MTF2: variants seen among roughly 807,000 people sequenced by gnomAD.
The protein encoded by MTF2 is metal response element binding transcription factor 2.
Under a neutral mutation model 79.5 loss-of-function variants are expected in MTF2, and 11 were observed. The observed-to-expected ratio is 0.14, with a 90% CI of 0.09 to 0.23. The LOEUF is 0.23. Among genes scored for constraint, MTF2 ranks in the 10% least tolerant of loss-of-function variants. The pLI is 1.00. For missense variants in MTF2, 486 were observed against 711.2 expected (o/e 0.68, Z 3.60); for synonymous variants, 208 against 232.8 (o/e 0.89, Z 0.97).
intron 8 of MTF2, chr1:93,120,324 AGT>A (rs1656425363): frequency 3.8e-6 from 1 of 263,750 alleles, no homozygotes. Context: ...AAAAAAAAGA[AGT>A]AATTCATATA....
intron 1 of MTF2, among the ~76,000 whole-genome samples, chr1:93,092,019 TC>T (rs1655093447): frequency 6.6e-6 from 1 of 152,208 alleles, no homozygotes; most frequent in Non-Finnish European, 1.5e-5. Flanking sequence ...GGTAATTTTT[TC>T]CCCACCTTTT....
At chr1:93,126,342 G>GT in intron 9 of MTF2, among the ~76,000 whole-genome samples, 1 of 152,146 alleles carries the variant, frequency 6.6e-6, no homozygotes, top group African/African-American at 2.4e-5. Context: ...TGACTTACAA[G>GT]TTTTTTCTAG....
At chr1:93,086,484 G>A (rs563998342) in intron 1 of MTF2, among the ~76,000 whole-genome samples, 2 of 134,684 alleles carry the variant, frequency 1.5e-5, no homozygotes, top group African/African-American at 5.4e-5. Context: ...GGGTGACAGA[G>A]CGAGACTGTC....
intron 6 of MTF2, among the ~76,000 whole-genome samples, chr1:93,116,306 G>A (rs1656246371): frequency 6.6e-6 from 1 of 151,838 alleles, no homozygotes; most frequent in South Asian, 2.1e-4. Flanking sequence ...ACAGGCCTGA[G>A]CCATGCTGGC....
chr1:93,134,523 AT>A (rs61593326), intron 14 of MTF2: 1,121 of 189,200 alleles, frequency 5.9e-3, no homozygotes, highest in South Asian at 0.014. Context: ...GGAAGATATG[AT>A]TTTTTTTTTT....
In MTF2 at chr1:93,130,720, CAAATG is replaced by C. The variant is rs1557560748; in HGVS notation, c.1160+1273_1160+1277del. Among the ~76,000 whole-genome samples the C allele has an allele frequency of 2.6e-5, 4 of 152,036 alleles. No individual in the cohort carries two copies. In the South Asian group the frequency reaches 8.3e-4, roughly 32 times the overall value. On this transcript the variant is annotated intron_variant, in intron 11 of 14. Coordinates refer to ENST00000370298, the MANE Select transcript of MTF2 (RefSeq NM_007358.4). Reference sequence around the variant, plus strand: ...TTGTGCAGAGGTAGGTGGTAACACTCAAATGGAGAGAAAACAGATATGAGGTCTTT... The same window carrying C: ...TTGTGCAGAGGTAGGTGGTAACACTCGAGAGAAAACAGATATGAGGTCTTT...
chr1:93,124,107 AGAT>A (rs1164766680), intron 9 of MTF2, among the ~76,000 whole-genome samples: 4 of 152,066 alleles, frequency 2.6e-5, no homozygotes, highest in Non-Finnish European at 5.9e-5. Context: ...TATGAAGAGA[AGAT>A]AAAACTTTTG....
At chr1:93,100,852 T>C (rs1655501581) in intron 1 of MTF2, among the ~76,000 whole-genome samples, 1 of 152,230 alleles carries the variant, frequency 6.6e-6, no homozygotes, top group Admixed American at 6.5e-5. Flanking sequence ...GCTTCCCTTA[T>C]ACCTGGGCCT....
At chr1:93,129,729 C>CATTG (rs997340189) in intron 11 of MTF2, among the ~76,000 whole-genome samples, 6 of 151,998 alleles carry the variant, frequency 3.9e-5, no homozygotes, top group Non-Finnish European at 7.4e-5. Context: ...GTTCACTTTT[C>CATTG]ATTGATTGAT....
At chr1:93,108,626 T>G (rs1466557139) in intron 1 of MTF2, among the ~76,000 whole-genome samples, 117 of 150,246 alleles carry the variant, frequency 7.8e-4, no homozygotes, top group Middle Eastern at 3.4e-3. Flanking sequence ...TTTTTTTTTT[T>G]GCCTTTCAGC....
chr1:93,086,367 G>A (rs35214350), intron 1 of MTF2, among the ~76,000 whole-genome samples: 3 of 152,024 alleles, frequency 2.0e-5, no homozygotes, highest in Admixed American at 2.0e-4. Context: ...TTAGCCAGGT[G>A]TGGTGGCACA....
chr1:93,116,013 A>G (rs1256480866), intron 6 of MTF2, among the ~76,000 whole-genome samples: 1 of 152,236 alleles, frequency 6.6e-6, no homozygotes, highest in South Asian at 2.1e-4. Context: ...AAGTTTTTTA[A>G]GACATAAAAT....
chr1:93,112,334 A>G (rs1656063760), intron 3 of MTF2, among the ~76,000 whole-genome samples: 1 of 152,218 alleles, frequency 6.6e-6, no homozygotes, highest in South Asian at 2.1e-4. Context: ...CCAATAATGT[A>G]TATCAAAACT....
In MTF2 at chr1:93,083,413, G is replaced by T. The variant is rs567706269; in HGVS notation, c.5+3882G>T. ...TATAGTCACTTCATATCTTTTTAGGGTCAAATAATATTTCATTATATGAAT... is the reference window on the plus strand; with the variant it reads ...TATAGTCACTTCATATCTTTTTAGGTTCAAATAATATTTCATTATATGAAT... On this transcript the variant is annotated intron_variant, in intron 1 of 14. Coordinates refer to ENST00000370298, the MANE Select transcript of MTF2 (RefSeq NM_007358.4). Among the ~76,000 whole-genome samples, 43 of 152,264 alleles carry T rather than the reference G, an allele frequency of 2.8e-4. No homozygotes were observed. In the South Asian group the frequency reaches 8.5e-3, roughly 30 times the overall value.
Position 93,079,473 on chromosome 1 carries a change from A to T in MTF2, c.-54A>T. On this transcript the variant is annotated 5_prime_UTR_variant, in exon 1 of 15. Transcript: ENST00000370298. ...ACTCGCAGGGGAAGCGCCCACGGGGACGGATTGGTTGTTTTTTCCTGTATG... is the reference window on the plus strand; with the variant it reads ...ACTCGCAGGGGAAGCGCCCACGGGGTCGGATTGGTTGTTTTTTCCTGTATG... 6.2e-7 allele frequency: 1 copy of T among 1,612,844 alleles called. No homozygotes were observed. Among genetic ancestry groups the T allele is most frequent in the South Asian group, 1.1e-5 (1 of 90,816 alleles).
chr1:93,120,992 G>A, intron 9 of MTF2: 2 of 1,048,338 alleles, frequency 1.9e-6, no homozygotes, highest in Non-Finnish European at 2.3e-6. Context: ...CTTACTTGTA[G>A]TTCAACCTCC....
At chr1:93,087,335 G>C (rs556703189) in intron 1 of MTF2, among the ~76,000 whole-genome samples, 1 of 152,268 alleles carries the variant, frequency 6.6e-6, no homozygotes, top group South Asian at 2.1e-4. Flanking sequence ...ACTTTGGGAG[G>C]CCGAGGTGGG....
At chr1:93,134,030 A>C in intron 13 of MTF2, 50 bp downstream of exon 13, 1 of 1,547,692 alleles carries the variant, frequency 6.5e-7, no homozygotes, top group Non-Finnish European at 8.8e-7. Flanking sequence ...TTTTGAGTAG[A>C]TATTAATATT....
intron 3 of MTF2, 33 bp downstream of exon 3, chr1:93,110,659 AAATTAAAATT>A: frequency 6.6e-7 from 1 of 1,522,344 alleles, no homozygotes; most frequent in Non-Finnish European, 9.1e-7. Context: ...AACATGATTT[AAATTAAAATT>A]TGATTTTCTT....
Sources: gnomAD v4.1 joint callset for allele counts (sites outside exome capture counted in the v4.1 genomes callset) on GRCh38, gnomAD v4.1.1 for gene constraint, MANE v1.5 for transcripts, NCBI Gene and HGNC (gene_info 2026-07-23, HGNC 2026-07-21) for gene names.